CDC42BPB: variants seen among roughly 807,000 people sequenced by gnomAD.
The protein encoded by CDC42BPB is CDC42 binding protein kinase beta.
In CDC42BPB, 37 loss-of-function variants were observed where a neutral mutation model predicts 214.9. The observed-to-expected ratio is 0.17, with a 90% CI of 0.13 to 0.23. The LOEUF (loss-of-function observed/expected upper bound fraction) is 0.23, where lower values mean the gene tolerates loss of function less well. Ranked by LOEUF, CDC42BPB falls within the 10% of genes least tolerant of loss-of-function variation. The pLI, the probability that CDC42BPB is intolerant of heterozygous loss-of-function variation, is 1.00. For synonymous variants in CDC42BPB, 931 were observed against 884.0 expected, an observed-to-expected ratio of 1.05 and a Z score of -0.94; for missense variants, 1,694 against 2,227.0, an observed-to-expected ratio of 0.76 and a Z score of 4.82.
chr14:102,996,218 T>C (rs1171157670), intron 5 of CDC42BPB, among the ~76,000 whole-genome samples: 2 of 152,062 alleles, frequency 1.3e-5, no homozygotes, highest in Admixed American at 1.3e-4. Flanking sequence ...TGGGCACCTG[T>C]AGTCCCAGCT....
chr14:102,938,791 G>A (rs548998051), intron 34 of CDC42BPB, among the ~76,000 whole-genome samples: 22 of 151,904 alleles, frequency 1.4e-4, no homozygotes, highest in Non-Finnish European at 3.1e-4. Context: ...ATCACACCCA[G>A]CTTATTTTTG....
chr14:103,053,686 C>T (rs1180577294), intron 1 of CDC42BPB, among the ~76,000 whole-genome samples: 4 of 149,026 alleles, frequency 2.7e-5, no homozygotes, highest in Non-Finnish European at 4.5e-5. Flanking sequence ...AACGTGAACC[C>T]GGGAGGCAGA....
At chr14:102,960,100 G>A (rs1207033453) in intron 20 of CDC42BPB, among the ~76,000 whole-genome samples, 2 of 152,104 alleles carry the variant, frequency 1.3e-5, no homozygotes, top group South Asian at 2.1e-4. Context: ...CCAGCTACTC[G>A]GGAGGCTGAG....
chr14:103,007,923 G>A (rs541088456), intron 3 of CDC42BPB, among the ~76,000 whole-genome samples: 1 of 152,188 alleles, frequency 6.6e-6, no homozygotes, highest in Non-Finnish European at 1.5e-5. Context: ...AGCAGGCCTG[G>A]CCTGCCTTAG....
At position 102,933,715 on chromosome 14, in the gene CDC42BPB, G is replaced by C; in HGVS notation, c.5133C>G (p.Thr1711=). 1 of 1,470,966 alleles carries C rather than the reference G, an allele frequency of 6.8e-7. No individual in the cohort carries two copies. The highest frequency in any genetic ancestry group is 1.8e-4 in the Middle Eastern group (1 of 5,626). 91.1% of individuals were successfully genotyped at this position (1,470,966 alleles called of 1,614,324 possible). Residue 1711 remains threonine (T), a synonymous_variant, in exon 37 of 37, where the codon ACC becomes ACG. Coordinates refer to ENST00000361246, the MANE Select transcript of CDC42BPB (RefSeq NM_006035.4). ...LEGLEQPACD[T] is the part of the protein sequence containing the mutation. ...CCCCTGTGGCGAGCTGGCGGCTTCA[G>C]GTGTCACAGGCCGGCTGCTCCAGGC...
At position 103,008,508 on chromosome 14, in the gene CDC42BPB, T is replaced by C; in HGVS notation, c.315A>G (p.Lys105=). 6.2e-7 allele frequency: 1 copy of C among 1,612,848 alleles called. No individual in the cohort carries two copies. The highest frequency in any genetic ancestry group is 8.5e-7 in the Non-Finnish European group (1 of 1,178,752). ...TCAGCATCTCCCACTTGTTGAGGAT[T>C]TTCATTGCATAAATTCGTTCAGTAT... ...MKNTERIYAM[K]ILNKWEMLKR... The change falls in exon 3 of 37, where the codon AAA becomes AAG. Residue 105 remains lysine, a synonymous_variant. Transcript: ENST00000361246.
At chr14:102,946,735 C>A in intron 27 of CDC42BPB, 51 bp from the exon 28 acceptor site, 4 of 1,599,010 alleles carry the variant, frequency 2.5e-6, no homozygotes, top group Non-Finnish European at 2.6e-6. Context: ...ACGCCAAAGC[C>A]GCACGCAGCT....
At position 102,944,886 on chromosome 14, in the gene CDC42BPB, CAT is replaced by C. The variant is rs1183720074; in HGVS notation, c.3812-401_3812-400del. On this transcript the variant is annotated intron_variant, in intron 29 of 36. Coordinates refer to ENST00000361246, the MANE Select transcript of CDC42BPB (RefSeq NM_006035.4). The surrounding 1 kb of genome is among the most constrained non-coding windows in gnomAD (Gnocchi z 6.6). ...CGAACCAGAGGGCCCTCACGCTGCA[CAT>C]GAGGGACAAAGAGCTGTCCCCAACC... Among the ~76,000 whole-genome samples, 2 of 152,190 alleles carry C rather than the reference CAT, an allele frequency of 1.3e-5. No homozygotes were observed. The highest frequency in any genetic ancestry group is 4.8e-5 in the African/African-American group (2 of 41,438).
chr14:103,048,653 A>G (rs1246356087), intron 1 of CDC42BPB, among the ~76,000 whole-genome samples: 1 of 149,346 alleles, frequency 6.7e-6, no homozygotes, highest in African/African-American at 2.5e-5. Context: ...GCCTGCAGTG[A>G]GCCGAGATCG....
chr14:103,024,379 A>G (rs1323842212), intron 1 of CDC42BPB, among the ~76,000 whole-genome samples: 1 of 152,198 alleles, frequency 6.6e-6, no homozygotes, highest in Non-Finnish European at 1.5e-5. Context: ...CACTCATAAC[A>G]AAGTACAGTG....
chr14:103,006,776 C>CA (rs1466622169), intron 3 of CDC42BPB, among the ~76,000 whole-genome samples: 1 of 152,194 alleles, frequency 6.6e-6, no homozygotes, highest in East Asian at 1.9e-4. Flanking sequence ...CCGCGACTGG[C>CA]AAACATTCTT....
chr14:102,972,353 G>A (rs1052707740), intron 12 of CDC42BPB, 192 bp from the exon 13 acceptor site: 17 of 985,096 alleles, frequency 1.7e-5, no homozygotes, highest in African/African-American at 3.5e-5. Flanking sequence ...CAATGGGAAG[G>A]CCGCCTGGGC....
At chr14:103,006,740 TACAC>T (rs1885848621) in intron 3 of CDC42BPB, among the ~76,000 whole-genome samples, 1 of 152,226 alleles carries the variant, frequency 6.6e-6, no homozygotes, top group Non-Finnish European at 1.5e-5. Context: ...TTATATCTCT[TACAC>T]ACATATACTC....
intron 20 of CDC42BPB, 84 bp from the exon 21 acceptor site, chr14:102,959,794 G>T: frequency 1.7e-6 from 2 of 1,169,440 alleles, no homozygotes; most frequent in Non-Finnish European, 2.2e-6. Flanking sequence ...TCTTCAAGAT[G>T]TCAATTCTCC....
In CDC42BPB at chr14:102,945,333, G is replaced by C. The variant is rs906122407; in HGVS notation, c.3811+329C>G. ...CCTTCCTCGCTGGGAAGACTGAAGT[G>C]TCAAAATTGGAAGCAAAGAAACTAA... On this transcript the variant is annotated intron_variant, in intron 29 of 36. Coordinates refer to ENST00000361246, the MANE Select transcript of CDC42BPB (RefSeq NM_006035.4). The C allele has an allele frequency of 4.0e-5, 19 of 478,174 alleles. No homozygotes were observed. The East Asian group carries it at 1.1e-3, about 27-fold the overall frequency. 29.6% of individuals were successfully genotyped at this position (478,174 alleles called of 1,614,324 possible).
chr14:102,992,425 G>A (rs1894535757), intron 5 of CDC42BPB, among the ~76,000 whole-genome samples: 1 of 152,316 alleles, frequency 6.6e-6, no homozygotes, highest in African/African-American at 2.4e-5. Flanking sequence ...TGCATAAATT[G>A]TCACAATTGA....
At position 103,029,474 on chromosome 14, in the gene CDC42BPB, C is replaced by T. The variant is rs559923453; in HGVS notation, c.176-17286G>A. Among the ~76,000 whole-genome samples the T allele has an allele frequency of 5.1e-4, 76 of 150,314 alleles. 1 individual carries two copies. Among genetic ancestry groups the T allele is most frequent in the Admixed American group, 4.9e-3 (74 of 14,976 alleles). ...AGGAGAATGGCATGAACCTGGGAGA[C>T]GGAGCTTGCAGTGAGCCGAGATTGT... On this transcript the variant is annotated intron_variant, in intron 1 of 36. Coordinates refer to ENST00000361246, the MANE Select transcript of CDC42BPB (RefSeq NM_006035.4).
intron 24 of CDC42BPB, 95 bp downstream of exon 24, chr14:102,952,403 G>T: frequency 1.4e-6 from 1 of 721,700 alleles, no homozygotes. Context: ...AGTTTGGTTT[G>T]CTTGCATCAG....
In CDC42BPB at chr14:103,004,162, C is replaced by T; in HGVS notation, c.352-139G>A. On this transcript the variant is annotated intron_variant, in intron 3 of 36. Transcript: ENST00000361246. The surrounding 1 kb of genome is among the most constrained non-coding windows in gnomAD (Gnocchi z 5.3). ...TTCCGGGCTCCTCCTCGTGCACCAC[C>T]CCGAGGCTGCTGAGGCTGAGCCATC... 7.2e-7 allele frequency: 1 copy of T among 1,396,294 alleles called. No homozygotes were observed. Among genetic ancestry groups the T allele is most frequent in the Non-Finnish European group, 9.3e-7 (1 of 1,071,614 alleles). The allele number at this position is 1,396,294 out of a possible 1,614,324, so 86.5% of individuals were successfully genotyped here.
Sources: gnomAD v4.1 joint callset for allele counts (sites outside exome capture counted in the v4.1 genomes callset) on GRCh38, gnomAD v4.1.1 for gene constraint, Gnocchi (gnomAD v3.1) non-coding constraint, MANE v1.5 for transcripts, NCBI Gene and HGNC (gene_info 2026-07-23, HGNC 2026-07-21) for gene names.